Variants in BMPR1B observed in about 807,000 individuals in gnomAD.
BMPR1B encodes the protein bone morphogenetic protein receptor type 1B.
In BMPR1B, 12 loss-of-function variants were observed where a neutral mutation model predicts 59.1. That is an observed-to-expected ratio of 0.20 (90% CI 0.13 to 0.33). The LOEUF (loss-of-function observed/expected upper bound fraction) is 0.33, where lower values mean the gene tolerates loss of function less well. Among genes scored for constraint, BMPR1B ranks in the 10% least tolerant of loss-of-function variants. BMPR1B has a pLI of 1.00. For synonymous variants in BMPR1B, 237 were observed against 207.3 expected, an observed-to-expected ratio of 1.14 and a Z score of -1.23; for missense variants, 550 against 610.9, an observed-to-expected ratio of 0.90 and a Z score of 1.05.
At chr4:94,906,603 C>A (rs896894351) in intron 2 of BMPR1B, among the ~76,000 whole-genome samples, 3 of 151,848 alleles carry the variant, frequency 2.0e-5, no homozygotes, top group Non-Finnish European at 2.9e-5. Context: ...ACATATATAC[C>A]TATGTAACAA....
chr4:95,028,147 G>A (rs544668935), intron 3 of BMPR1B, among the ~76,000 whole-genome samples: 82 of 152,250 alleles, frequency 5.4e-4, no homozygotes, highest in African/African-American at 1.8e-3. Flanking sequence ...CATTTTGAAG[G>A]AGGGTTTTGC....
In BMPR1B at chr4:95,156,290, A is replaced by C. The variant is rs1032235628; in HGVS notation, c.*1617A>C. 6.6e-6 allele frequency: 1 copy of C among 151,280 alleles called. No individual in the cohort carries two copies. The highest frequency in any genetic ancestry group is 2.4e-5 in the African/African-American group (1 of 41,254). 9.4% of individuals were successfully genotyped at this position (151,280 alleles called of 1,614,324 possible). A position where few individuals can be genotyped will look rare whatever the true frequency, so the allele number is the denominator to read the frequency against. ...TTAGAAATTCTGTTAGTGGTTAGTA[A>C]AGAATTTGAAAGTACTTTCTCCTTG... On this transcript the variant is annotated 3_prime_UTR_variant, in exon 13 of 13. Coordinates refer to ENST00000515059, the MANE Select transcript of BMPR1B (RefSeq NM_001203.3).
At chr4:94,982,753 G>A (rs1332079721) in intron 2 of BMPR1B, among the ~76,000 whole-genome samples, 2 of 152,128 alleles carry the variant, frequency 1.3e-5, no homozygotes, top group East Asian at 1.9e-4. Flanking sequence ...AGCACTTTGG[G>A]AGGCTGAGGC....
chr4:95,108,911 T>G (rs1013774958), intron 4 of BMPR1B, among the ~76,000 whole-genome samples: 1 of 152,144 alleles, frequency 6.6e-6, no homozygotes, highest in African/African-American at 2.4e-5. Flanking sequence ...CCTTGAGTGC[T>G]ATAGTTTCCT....
chr4:94,921,545 G>A (rs570027870), intron 2 of BMPR1B, among the ~76,000 whole-genome samples: 6 of 151,918 alleles, frequency 3.9e-5, no homozygotes, highest in Admixed American at 3.3e-4. Context: ...CAGAGGAATG[G>A]GGGGAGGTAC....
chr4:94,911,272 A>G (rs1728263284), intron 2 of BMPR1B, among the ~76,000 whole-genome samples: 1 of 152,170 alleles, frequency 6.6e-6, no homozygotes, highest in South Asian at 2.1e-4. Context: ...TTAAATTAAA[A>G]CATAGTGTGA....
chr4:94,773,092 T>C (rs145640910), intron 1 of BMPR1B, among the ~76,000 whole-genome samples: 334 of 152,284 alleles, frequency 2.2e-3, no homozygotes, highest in Non-Finnish European at 3.0e-3. Flanking sequence ...ACATTTATTG[T>C]TCTTATTTTA....
At chr4:94,875,496 A>G (rs1049780931) in intron 1 of BMPR1B, among the ~76,000 whole-genome samples, 4 of 152,212 alleles carry the variant, frequency 2.6e-5, no homozygotes, top group African/African-American at 9.6e-5. Flanking sequence ...CATCCTGGCT[A>G]ACACGGTGAA....
At chr4:95,053,638 A>G (rs1342720035) in intron 3 of BMPR1B, among the ~76,000 whole-genome samples, 1 of 152,124 alleles carries the variant, frequency 6.6e-6, no homozygotes, top group African/African-American at 2.4e-5. Flanking sequence ...AATAGGAGGC[A>G]ACCAAGCTAG....
At chr4:95,088,764 C>T (rs1319809) in intron 3 of BMPR1B, among the ~76,000 whole-genome samples, 101,896 of 151,566 alleles carry the variant, frequency 0.67, 34,382 homozygotes, top group South Asian at 0.73. Context: ...TTTTGAAAGG[C>T]CATTAAGTTT....
intron 2 of BMPR1B, among the ~76,000 whole-genome samples, chr4:94,958,320 A>G (rs865905849): frequency 1.3e-4 from 20 of 152,210 alleles, no homozygotes; most frequent in Non-Finnish European, 2.2e-4. Context: ...TGGCAGGTGT[A>G]TTACCTTGCT....
chr4:95,062,631 C>T (rs1034312172), intron 3 of BMPR1B, among the ~76,000 whole-genome samples: 4 of 152,122 alleles, frequency 2.6e-5, no homozygotes, highest in East Asian at 3.9e-4. Context: ...TGCAGCTGTA[C>T]ACCTTGGAAA....
intron 6 of BMPR1B, among the ~76,000 whole-genome samples, chr4:95,116,240 C>A (rs749747166): frequency 6.6e-6 from 1 of 151,828 alleles, no homozygotes; most frequent in Non-Finnish European, 1.5e-5. Context: ...TTAGTCAAAT[C>A]GTATCAATAT....
At chr4:94,990,304 G>A (rs556774736) in intron 2 of BMPR1B, among the ~76,000 whole-genome samples, 5 of 152,066 alleles carry the variant, frequency 3.3e-5, no homozygotes, top group African/African-American at 9.7e-5. Flanking sequence ...GCAGTGAGCC[G>A]AAATCATGCC....
At chr4:94,775,125 A>G (rs1722321673) in intron 1 of BMPR1B, among the ~76,000 whole-genome samples, 1 of 152,188 alleles carries the variant, frequency 6.6e-6, no homozygotes, top group South Asian at 2.1e-4. Context: ...CAGTGTCCTC[A>G]TCTGTAGAAT....
At chr4:95,148,951 C>CTACT (rs1419657797) in intron 11 of BMPR1B, 28 bp downstream of exon 11, 2 of 1,611,680 alleles carry the variant, frequency 1.2e-6, no homozygotes, top group African/African-American at 2.7e-5. Context: ...CTTTGAAAAG[C>CTACT]TACTATTGGA....
At chr4:94,945,387 G>A (rs1729670342) in intron 2 of BMPR1B, among the ~76,000 whole-genome samples, 1 of 152,064 alleles carries the variant, frequency 6.6e-6, no homozygotes, top group African/African-American at 2.4e-5. Flanking sequence ...ACATCTCTTG[G>A]TTCAGTATCC....
At chr4:94,781,916 T>C (rs563065584) in intron 1 of BMPR1B, among the ~76,000 whole-genome samples, 1 of 152,152 alleles carries the variant, frequency 6.6e-6, no homozygotes, top group Non-Finnish European at 1.5e-5. Flanking sequence ...TTATATGCTC[T>C]CAAAATACTC....
At chr4:94,835,823 TATGTATAC>T (rs1724786539) in intron 1 of BMPR1B, among the ~76,000 whole-genome samples, 1 of 151,912 alleles carries the variant, frequency 6.6e-6, no homozygotes, top group Non-Finnish European at 1.5e-5. Context: ...GTTAGTTACA[TATGTATAC>T]ATGTGCCATG....
Sources: allele counts gnomAD v4.1 joint callset (sites outside exome capture counted in the v4.1 genomes callset), GRCh38; gene constraint gnomAD v4.1.1; transcripts MANE v1.5; gene names NCBI Gene and HGNC (gene_info 2026-07-23, HGNC 2026-07-21).